Variants in SMIM3 observed in about 807,000 individuals in gnomAD.
The protein encoded by SMIM3 is NGF-induced differentiation clone 67 protein.
In SMIM3, 4 loss-of-function variants were observed where a neutral mutation model predicts 2.1. That is an observed-to-expected ratio of 1.89 (90% CI 0.93 to 4.31). The LOEUF (loss-of-function observed/expected upper bound fraction) is 4.31. SMIM3 is among the 30% of genes most tolerant of loss of function. SMIM3 has a pLI of 0.01. For synonymous variants in SMIM3, 29 were observed against 30.8 expected (o/e 0.94, Z 0.19); for missense variants, 79 against 77.7 (o/e 1.02, Z -0.06).
chr5:150,792,593 G>A (rs988575186), intron 1 of SMIM3, among the ~76,000 whole-genome samples: 1 of 152,140 alleles, frequency 6.6e-6, no homozygotes, highest in African/African-American at 2.4e-5. Flanking sequence ...GGAGTGCAGT[G>A]GTGTGATCAT....
rs1472928714 is a variant in SMIM3 at position 150,795,376 on chromosome 5, A to G, written c.-11-54A>G. ...GACTCCTGAGGGTTTCCTTCTAACC[A>G]GGGAGGCAGGGAGAGAGTACGCAAC... is the stretch of plus-strand genomic sequence containing the variant. On this transcript the variant is annotated intron_variant, in intron 1 of 1. Transcript: ENST00000526627. 3 of 1,585,706 alleles carry G rather than the reference A, an allele frequency of 1.9e-6. No individual in the cohort carries two copies. In the African/African-American group the frequency reaches 4.0e-5, roughly 21 times the overall value.
rs1450434886 is a variant in SMIM3, at chr5:150,795,634, A to G, written c.*11A>G. On this transcript the variant is annotated 3_prime_UTR_variant, in exon 2 of 2. Transcript: ENST00000526627. ...AGTGGGGCTGTTTGAGAGCCTCCCA[A>G]GAGGGCCGGGTGAGGGATGAGGACA... is the stretch of plus-strand genomic sequence containing the variant. The G allele has an allele frequency of 1.3e-6, 2 of 1,539,728 alleles. No homozygotes were observed. The highest frequency in any genetic ancestry group is 2.0e-5 in the Admixed American group (1 of 51,088).
chr5:150,779,829 A>AT (rs1753212584), intron 1 of SMIM3, among the ~76,000 whole-genome samples: 3 of 111,018 alleles, frequency 2.7e-5, no homozygotes, highest in South Asian at 3.2e-4. Context: ...GAAAGGTGTA[A>AT]CCCCCCCCGC....
In SMIM3 at chr5:150,795,559, GC is replaced by G; in HGVS notation, c.122del (p.Pro41GlnfsTer5). On this transcript the variant is annotated frameshift_variant, in exon 2 of 2. Transcript: ENST00000526627. LOFTEE classifies it high-confidence loss of function. Reference sequence around the variant, plus strand: ...GTCATCATGACCTCGTTGTTGCTGTGCCCAGCCACTGCAGTAATCATCTATC... The same window carrying G: ...GTCATCATGACCTCGTTGTTGCTGTGCCAGCCACTGCAGTAATCATCTATC... The part of the protein sequence containing the change: ...TIVIMTSLLL[C>X]PATAVIIYRM... 8 of 1,605,162 alleles carry G rather than the reference GC, an allele frequency of 5.0e-6. No homozygotes were observed. The highest frequency in any genetic ancestry group is 5.9e-6 in the Non-Finnish European group (7 of 1,178,232).
intron 1 of SMIM3, among the ~76,000 whole-genome samples, chr5:150,787,653 T>C (rs1031804665): frequency 5.3e-5 from 8 of 152,222 alleles, no homozygotes; most frequent in Admixed American, 5.2e-4. Context: ...TTAGTTTTTA[T>C]AGCTGTAAAA....
chr5:150,784,663 T>G (rs1753271780), intron 1 of SMIM3, among the ~76,000 whole-genome samples: 1 of 152,222 alleles, frequency 6.6e-6, no homozygotes, highest in South Asian at 2.1e-4. Flanking sequence ...GGTGTTTCAT[T>G]TGTATCCTTT....
At position 150,778,961 on chromosome 5, in the gene SMIM3, C is replaced by A; in HGVS notation, c.-23C>A. 2.0e-6 allele frequency: 1 copy of A among 510,292 alleles called. No individual in the cohort carries two copies. Among genetic ancestry groups the A allele is most frequent in the Non-Finnish European group, 4.0e-6 (1 of 249,188 alleles). 31.6% of individuals were successfully genotyped at this position (510,292 alleles called of 1,614,324 possible). ...GACCCAGGAACTTTCCGCAGACTCG[C>A]CGCCATCTGGGGTGAGTGGGGCCAC... On this transcript the variant is annotated 5_prime_UTR_variant, in exon 1 of 2. Coordinates refer to ENST00000526627, the MANE Select transcript of SMIM3 (RefSeq NM_032947.5).
intron 1 of SMIM3, among the ~76,000 whole-genome samples, chr5:150,785,580 C>CTTTTTTTTTTTTTTT (rs35273478): frequency 3.7e-4 from 42 of 113,698 alleles, no homozygotes; most frequent in Non-Finnish European, 5.0e-4. Context: ...TATTTCTTTT[C>CTTTTTTTTTTTTTTT]TTTTTTTTTT....
intron 1 of SMIM3, 44 bp from the exon 2 acceptor site, chr5:150,795,386 G>A (rs774004919): frequency 5.6e-6 from 9 of 1,601,058 alleles, no homozygotes; most frequent in Non-Finnish European, 7.7e-6. Flanking sequence ...AGGGAGGCAG[G>A]GAGAGAGTAC....
intron 1 of SMIM3, among the ~76,000 whole-genome samples, chr5:150,782,858 CAGGCCCTGTGAT>C (rs1753250322): frequency 6.6e-6 from 1 of 152,128 alleles, no homozygotes; most frequent in Non-Finnish European, 1.5e-5. Context: ...TGTGATATGC[CAGGCCCTGTGAT>C]AGGTGCTGAG....
intron 1 of SMIM3, among the ~76,000 whole-genome samples, chr5:150,793,560 A>G (rs1405892272): frequency 6.6e-6 from 1 of 152,204 alleles, no homozygotes; most frequent in African/African-American, 2.4e-5. Flanking sequence ...AAACAAAAAC[A>G]TGCAATGGGG....
chr5:150,780,294 T>G (rs1753218273), intron 1 of SMIM3, among the ~76,000 whole-genome samples: 1 of 152,172 alleles, frequency 6.6e-6, no homozygotes, highest in South Asian at 2.1e-4. Context: ...GAGCATGACA[T>G]GCTCTTTGGT....
chr5:150,793,647 C>A (rs1753370607), intron 1 of SMIM3, among the ~76,000 whole-genome samples: 1 of 152,142 alleles, frequency 6.6e-6, no homozygotes, highest in African/African-American at 2.4e-5. Flanking sequence ...GGATCCTCAT[C>A]TCTCACCTCA....
At position 150,795,448 on chromosome 5, in the gene SMIM3, C is replaced by T. The variant is rs1753392465; in HGVS notation, c.8C>T (p.Ala3Val). Residue 3 changes from alanine to valine, a missense_variant, in exon 2 of 2, where the codon GCA (alanine) becomes GTA (valine). By Grantham distance (64) the Ala-to-Val change is moderately conservative. Transcript: ENST00000526627. Reference sequence around the variant, plus strand: ...GTTGCAGAGTGAAGCAACATGGATGCAGTCAGCCAAGTCCCCATGGAAGTC... The same window carrying T: ...GTTGCAGAGTGAAGCAACATGGATGTAGTCAGCCAAGTCCCCATGGAAGTC... MD[A>V]VSQVPMEVVL... is the part of the protein sequence containing the mutation. 6.2e-7 allele frequency: 1 copy of T among 1,613,972 alleles called. No homozygotes were observed. Among genetic ancestry groups the T allele is most frequent in the Non-Finnish European group, 8.5e-7 (1 of 1,179,884 alleles).
chr5:150,781,274 T>C (rs1209098150), intron 1 of SMIM3, among the ~76,000 whole-genome samples: 2 of 152,208 alleles, frequency 1.3e-5, no homozygotes, highest in African/African-American at 4.8e-5. Context: ...CTGAGAGAAG[T>C]TAAGTGAGAA....
intron 1 of SMIM3, among the ~76,000 whole-genome samples, chr5:150,781,202 T>G (rs911396990): frequency 6.6e-6 from 1 of 152,176 alleles, no homozygotes; most frequent in African/African-American, 2.4e-5. Context: ...TTCTCTGAAC[T>G]TCATTGGAAT....
chr5:150,791,929 T>C (rs1373595695), intron 1 of SMIM3, among the ~76,000 whole-genome samples: 1 of 152,214 alleles, frequency 6.6e-6, no homozygotes, highest in African/African-American at 2.4e-5. Context: ...ACTTGTTAAA[T>C]GAATGAATGA....
chr5:150,785,580 CTTT>C (rs35273478), intron 1 of SMIM3, among the ~76,000 whole-genome samples: 1 of 113,682 alleles, frequency 8.8e-6, no homozygotes, highest in South Asian at 2.8e-4. Flanking sequence ...TATTTCTTTT[CTTT>C]TTTTTTTTTT....
At chr5:150,795,287 G>A in intron 1 of SMIM3, 143 bp from the exon 2 acceptor site, 1 of 823,826 alleles carries the variant, frequency 1.2e-6, no homozygotes, top group Non-Finnish European at 2.0e-6. Flanking sequence ...AGTAAATGAA[G>A]CCATTGTAAT....
Sources: allele counts gnomAD v4.1 joint callset (sites outside exome capture counted in the v4.1 genomes callset), GRCh38; gene constraint gnomAD v4.1.1; transcripts MANE v1.5; gene names NCBI Gene and HGNC (gene_info 2026-07-23, HGNC 2026-07-21).